MRGPRX3: variants seen among roughly 807,000 people sequenced by gnomAD.
MRGPRX3 encodes the protein MAS related GPR family member X3.
MRGPRX3 carries 14 observed loss-of-function variants against 16.5 expected under a neutral mutation model. The ratio of observed to expected loss-of-function variants is 0.85; its 90% confidence interval spans 0.56 to 1.33. The LOEUF (loss-of-function observed/expected upper bound fraction) is 1.33, where lower values mean the gene tolerates loss of function less well. Ranked by LOEUF, MRGPRX3 falls within the 40% of genes most tolerant of loss-of-function variation. The probability of loss-of-function intolerance (pLI) is 0.00; values close to 1 mark genes in which losing one functional copy is unlikely to be tolerated. For missense variants in MRGPRX3, 449 were observed against 413.0 expected (o/e 1.09, Z -0.76); for synonymous variants, 199 against 180.1 (o/e 1.10, Z -0.84).
chr11:18,127,599 C>T (rs187773707), upstream of MRGPRX3, among the ~76,000 whole-genome samples: 16 of 152,332 alleles, frequency 1.1e-4, no homozygotes, highest in East Asian at 1.4e-3. Context: ...ATGTAGTTCT[C>T]GTGCCGTGGT....
intron 1 of MRGPRX3, among the ~76,000 whole-genome samples, chr11:18,122,273 T>C (rs1848848134): frequency 6.6e-6 from 1 of 152,184 alleles, no homozygotes; most frequent in South Asian, 2.1e-4. Flanking sequence ...TACATAGATA[T>C]ACATGTGCCA....
chr11:18,122,435 G>C (rs996574119), intron 1 of MRGPRX3, among the ~76,000 whole-genome samples: 1 of 152,168 alleles, frequency 6.6e-6, no homozygotes, highest in Admixed American at 6.5e-5. Context: ...AGAATATGTG[G>C]TGTTTGGTTT....
intron 1 of MRGPRX3, among the ~76,000 whole-genome samples, chr11:18,136,283 G>C (rs2468840): frequency 5.3e-5 from 8 of 152,160 alleles, no homozygotes; most frequent in Admixed American, 4.6e-4. Flanking sequence ...CCTCTGTTCT[G>C]TTGCTGAGCA....
chr11:18,138,411 G>A lies in MRGPRX3; in HGVS notation c.*240G>A, dbSNP rs1169104732. Reference sequence around the variant, plus strand: ...ACCAATACATTTTCCCTGTTATCTTGCACTGAATCTTTCCTACTGAACACT... The same window carrying A: ...ACCAATACATTTTCCCTGTTATCTTACACTGAATCTTTCCTACTGAACACT... On this transcript the variant is annotated 3_prime_UTR_variant, in exon 2 of 2. Transcript: ENST00000621697. 1.5e-5 allele frequency: 8 copies of A among 526,512 alleles called. No individual in the cohort carries two copies. Among genetic ancestry groups the A allele is most frequent in the South Asian group, 4.6e-5 (1 of 21,536 alleles). The allele number at this position is 526,512 out of a possible 1,614,324, so 32.6% of individuals were successfully genotyped here.
At chr11:18,122,066 T>C (rs1848845300) in intron 1 of MRGPRX3, among the ~76,000 whole-genome samples, 2 of 151,060 alleles carry the variant, frequency 1.3e-5, no homozygotes, top group Admixed American at 1.3e-4. Flanking sequence ...TTTTTTTTTG[T>C]TAGAAATAAC....
At chr11:18,126,231 C>T (rs148579688) in intron 1 of MRGPRX3, among the ~76,000 whole-genome samples, 1 of 152,250 alleles carries the variant, frequency 6.6e-6, no homozygotes, top group East Asian at 1.9e-4. Flanking sequence ...TTGATCCTGT[C>T]ATTATGATGT....
chr11:18,125,567 T>C (rs1848885782), intron 1 of MRGPRX3, among the ~76,000 whole-genome samples: 1 of 144,484 alleles, frequency 6.9e-6, no homozygotes, highest in Non-Finnish European at 1.5e-5. Context: ...TTTGTCGTGA[T>C]TTCTCTCTTT....
At chr11:18,132,566 T>C (rs1204699649), upstream of MRGPRX3, 1 of 152,234 alleles carries the variant, frequency 6.6e-6, no homozygotes, top group Non-Finnish European at 1.5e-5. Flanking sequence ...ATAACAAGAC[T>C]GTCCAGCATC....
chr11:18,124,944 C>G lies in MRGPRX3; in HGVS notation c.-152+3780C>G, dbSNP rs574905937. Among the ~76,000 whole-genome samples, 6 of 152,256 alleles carry G rather than the reference C, an allele frequency of 3.9e-5. No individual in the cohort carries two copies. The South Asian group carries it at 1.2e-3, about 32-fold the overall frequency. On this transcript the variant is annotated intron_variant, in intron 1 of 2. Transcript: ENST00000396275. ...GTGTATATGTGTCGAGGAATTTATC[C>G]ATTTCTTCTAGATTTTCTAGTTTAT...
At chr11:18,131,686 A>G (rs1848961859), upstream of MRGPRX3, among the ~76,000 whole-genome samples, 1 of 152,076 alleles carries the variant, frequency 6.6e-6, no homozygotes, top group South Asian at 2.1e-4. Context: ...TTAAATATGT[A>G]TAAATATATA....
chr11:18,123,088 C>T (rs1323643240), intron 1 of MRGPRX3, among the ~76,000 whole-genome samples: 1 of 152,034 alleles, frequency 6.6e-6, no homozygotes, highest in Non-Finnish European at 1.5e-5. Context: ...TGGATATTAG[C>T]CCTTTGTCAG....
intron 1 of MRGPRX3, among the ~76,000 whole-genome samples, chr11:18,136,719 C>T (rs1158298018): frequency 1.3e-5 from 2 of 152,180 alleles, no homozygotes; most frequent in African/African-American, 4.8e-5. Flanking sequence ...CCCACCAGGT[C>T]CCGCCATTTT....
At chr11:18,136,883 T>C (rs148587094) in intron 1 of MRGPRX3, among the ~76,000 whole-genome samples, 1 of 152,256 alleles carries the variant, frequency 6.6e-6, no homozygotes, top group East Asian at 1.9e-4. Flanking sequence ...AGGCCCAGGA[T>C]AGAGTAATCA....
At chr11:18,128,370 C>G (rs943015641), upstream of MRGPRX3, among the ~76,000 whole-genome samples, 1 of 152,204 alleles carries the variant, frequency 6.6e-6, no homozygotes, top group East Asian at 1.9e-4. Context: ...TGGCCTGCCC[C>G]CAGAGGTGGA....
chr11:18,130,696 C>CAAAA (rs3072496), upstream of MRGPRX3, among the ~76,000 whole-genome samples: 70 of 133,202 alleles, frequency 5.3e-4, no homozygotes, highest in African/African-American at 2.0e-3. Context: ...GAACAACAAC[C>CAAAA]AAAAAAAAAA....
At chr11:18,131,379 T>A (rs1848959663), upstream of MRGPRX3, among the ~76,000 whole-genome samples, 1 of 151,950 alleles carries the variant, frequency 6.6e-6, no homozygotes, top group Admixed American at 6.6e-5. Flanking sequence ...GCTAAGGACA[T>A]GAATAGACAA....
chr11:18,126,894 T>G (rs181865034), intron 1 of MRGPRX3, among the ~76,000 whole-genome samples: 38 of 152,350 alleles, frequency 2.5e-4, no homozygotes, highest in African/African-American at 7.0e-4. Flanking sequence ...TCTATCATTG[T>G]TGGACATTTG....
chr11:18,137,484 C>G lies in MRGPRX3; in HGVS notation c.282C>G (p.Ile94Met). 1.2e-6 allele frequency: 2 copies of G among 1,614,192 alleles called. No homozygotes were observed. The highest frequency in any genetic ancestry group is 1.7e-6 in the Non-Finnish European group (2 of 1,180,040). ...PLRLINIRHP[I>M]SKILSPVMTF... ...GCCTCATCAATATCCGCCATCCCAT[C>G]TCCAAAATCCTCAGTCCTGTGATGA... The change falls in exon 2 of 2, where the codon ATC becomes ATG. Residue 94 changes from isoleucine to methionine, a missense_variant. Physicochemically the swap from Ile to Met is conservative, Grantham distance 10 (BLOSUM62 1). Coordinates refer to ENST00000621697, the MANE Select transcript of MRGPRX3 (RefSeq NM_001370464.1).
In MRGPRX3 at chr11:18,137,450, C is replaced by A. The variant is rs369037141; in HGVS notation, c.248C>A (p.Ser83Ter). The A allele has an allele frequency of 6.2e-7, 1 of 1,614,048 alleles. No individual in the cohort carries two copies. The highest frequency in any genetic ancestry group is 8.5e-7 in the Non-Finnish European group (1 of 1,180,048). Residue 83 changes from serine (S) to a stop codon, truncating the protein, a stop_gained, in exon 2 of 2, where the codon TCG becomes TAG. Transcript: ENST00000621697. LOFTEE classifies it high-confidence loss of function. ...TTCCTTAGCGGCCACATTATATGTTCGCCGTTACGCCTCATCAATATCCGC... is the reference window on the plus strand; with the variant it reads ...TTCCTTAGCGGCCACATTATATGTTAGCCGTTACGCCTCATCAATATCCGC... The part of the protein sequence containing the change: ...FLFLSGHIIC[S>*]PLRLINIRHP...
Sources: allele counts gnomAD v4.1 joint callset (sites outside exome capture counted in the v4.1 genomes callset), GRCh38; gene constraint gnomAD v4.1.1; transcripts MANE v1.5; gene names NCBI Gene and HGNC (gene_info 2026-07-23, HGNC 2026-07-21).